The following XKR6 variants were observed in gnomAD, a reference collection of about 807,000 sequenced individuals.
The protein encoded by XKR6 is XK-related protein 6.
Under a neutral mutation model 56.7 loss-of-function variants are expected in XKR6, and 22 were observed. The ratio of observed to expected loss-of-function variants is 0.39; its 90% CI spans 0.28 to 0.55. The LOEUF (loss-of-function observed/expected upper bound fraction) is 0.55, where lower values mean the gene tolerates loss of function less well. XKR6 is among the 20% of genes least tolerant of loss of function. XKR6 has a pLI of 0.66. For missense variants in XKR6, 852 were observed against 889.0 expected (o/e 0.96, Z 0.53); for synonymous variants, 524 against 387.8 (o/e 1.35, Z -4.13).
At chr8:11,033,320 C>T (rs1488426253) in intron 1 of XKR6, among the ~76,000 whole-genome samples, 3 of 140,648 alleles carry the variant, frequency 2.1e-5, no homozygotes, top group African/African-American at 8.4e-5. Flanking sequence ...ATGATGATGA[C>T]GATAGTGATG....
intron 1 of XKR6, among the ~76,000 whole-genome samples, chr8:10,988,814 A>C (rs1339558597): frequency 6.6e-6 from 1 of 152,224 alleles, no homozygotes; most frequent in Non-Finnish European, 1.5e-5. Flanking sequence ...TGATTCTACA[A>C]AGTCAACGTC....
At chr8:11,055,759 CT>C (rs1272995739) in intron 1 of XKR6, among the ~76,000 whole-genome samples, 8 of 151,888 alleles carry the variant, frequency 5.3e-5, no homozygotes, top group Non-Finnish European at 1.5e-5. Flanking sequence ...GTGACCTCCC[CT>C]GGTAGAGGCA....
chr8:10,935,254 A>ATCATT (rs1403070970), intron 1 of XKR6, among the ~76,000 whole-genome samples: 2 of 123,452 alleles, frequency 1.6e-5, no homozygotes, highest in African/African-American at 7.0e-5. Context: ...TATCCCCTTT[A>ATCATT]TCATTTTTTA....
chr8:11,140,897 CAA>C (rs35388667), intron 1 of XKR6, among the ~76,000 whole-genome samples: 6 of 88,110 alleles, frequency 6.8e-5, no homozygotes, highest in Non-Finnish European at 6.7e-5. Flanking sequence ...GACTCTGTCT[CAA>C]AAAAAAAAAA....
At chr8:11,096,476 T>A (rs952426432) in intron 1 of XKR6, among the ~76,000 whole-genome samples, 1 of 152,258 alleles carries the variant, frequency 6.6e-6, no homozygotes, top group African/African-American at 2.4e-5. Flanking sequence ...TATTATGTTT[T>A]TAACAAAACA....
intron 1 of XKR6, among the ~76,000 whole-genome samples, chr8:11,156,854 C>G (rs1304188720): frequency 1.3e-5 from 2 of 152,142 alleles, no homozygotes; most frequent in African/African-American, 4.8e-5. Context: ...CACATACACA[C>G]ACACACAGAG....
At chr8:11,165,899 C>T (rs1023098641) in intron 1 of XKR6, among the ~76,000 whole-genome samples, 3 of 151,762 alleles carry the variant, frequency 2.0e-5, no homozygotes, top group Non-Finnish European at 2.9e-5. Flanking sequence ...GAAAAAGCCA[C>T]GTGCAATGAC....
chr8:10,997,163 T>C (rs1798132348), intron 1 of XKR6, among the ~76,000 whole-genome samples: 1 of 152,142 alleles, frequency 6.6e-6, no homozygotes, highest in East Asian at 1.9e-4. Context: ...AGCTTTTATG[T>C]ATGCTTTATT....
chr8:11,023,976 G>C (rs892661982), intron 1 of XKR6, among the ~76,000 whole-genome samples: 4 of 152,176 alleles, frequency 2.6e-5, no homozygotes, highest in Non-Finnish European at 4.4e-5. Flanking sequence ...CTGCAGATGA[G>C]CTTAGGAAGG....
intron 1 of XKR6, among the ~76,000 whole-genome samples, chr8:11,008,111 C>T (rs1240477695): frequency 6.6e-6 from 1 of 152,172 alleles, no homozygotes; most frequent in Non-Finnish European, 1.5e-5. Context: ...GGAAGGCTGC[C>T]ACGTTTACTC....
At chr8:10,911,199 C>CATGTGTGT (rs1284455130) in intron 2 of XKR6, among the ~76,000 whole-genome samples, 148 of 126,338 alleles carry the variant, frequency 1.2e-3, no homozygotes, top group Non-Finnish European at 1.4e-3. Flanking sequence ...AGAGGGTGTG[C>CATGTGTGT]GTGTGTGTGT....
intron 1 of XKR6, among the ~76,000 whole-genome samples, chr8:11,165,478 T>C (rs1802029022): frequency 6.6e-6 from 1 of 152,134 alleles, no homozygotes; most frequent in Non-Finnish European, 1.5e-5. Context: ...ATATTTCCAG[T>C]TTAAACCTGG....
At chr8:11,178,070 A>G (rs1236172116) in intron 1 of XKR6, among the ~76,000 whole-genome samples, 3 of 152,156 alleles carry the variant, frequency 2.0e-5, no homozygotes, top group Admixed American at 6.5e-5. Context: ...TGCAGGGCCT[A>G]GTGACCGGGT....
intron 1 of XKR6, among the ~76,000 whole-genome samples, chr8:11,198,321 C>T (rs1804001544): frequency 6.6e-6 from 1 of 152,042 alleles, no homozygotes; most frequent in Non-Finnish European, 1.5e-5. Flanking sequence ...TTAATAAAAT[C>T]CTTCCTCAGT....
At chr8:11,117,340 C>T (rs1439128157) in intron 1 of XKR6, among the ~76,000 whole-genome samples, 1 of 152,178 alleles carries the variant, frequency 6.6e-6, no homozygotes, top group African/African-American at 2.4e-5. Flanking sequence ...CAGCAAAAAC[C>T]AACAGCATTC....
intron 2 of XKR6, among the ~76,000 whole-genome samples, chr8:10,912,304 G>GGGTATA (rs1800408709): frequency 4.2e-5 from 1 of 23,882 alleles, no homozygotes; most frequent in Non-Finnish European, 7.5e-5. Flanking sequence ...TAAAGAGAGG[G>GGGTATA]TGTATATATA....
intron 1 of XKR6, among the ~76,000 whole-genome samples, chr8:11,167,317 T>C (rs1270052867): frequency 6.6e-6 from 1 of 152,236 alleles, no homozygotes; most frequent in African/African-American, 2.4e-5. Flanking sequence ...CCCAGTGTGA[T>C]GGCAGCCCAT....
chr8:11,078,186 T>G (rs1382151632), intron 1 of XKR6, among the ~76,000 whole-genome samples: 1 of 152,136 alleles, frequency 6.6e-6, no homozygotes, highest in Non-Finnish European at 1.5e-5. Context: ...TTTGGAAGGA[T>G]GAAGTAGGGG....
At chr8:10,912,823 CATATAT>C (rs567939912) in intron 2 of XKR6, among the ~76,000 whole-genome samples, 1 of 129,936 alleles carries the variant, frequency 7.7e-6, no homozygotes, top group Non-Finnish European at 1.6e-5. Context: ...AGTATATATA[CATATAT>C]ATATATAGAG....
Sources: allele counts gnomAD v4.1 joint callset (sites outside exome capture counted in the v4.1 genomes callset), GRCh38; gene constraint gnomAD v4.1.1; transcripts MANE v1.5; gene names NCBI Gene and HGNC (gene_info 2026-07-23, HGNC 2026-07-21).